Variants in MAP3K19 observed in about 807,000 individuals in gnomAD.
MAP3K19 encodes the protein SPS1/STE20-related protein kinase YSK4.
Under a neutral mutation model 114.4 loss-of-function variants are expected in MAP3K19, and 91 were observed. The ratio of observed to expected loss-of-function variants is 0.80; its 90% confidence interval spans 0.67 to 0.95. MAP3K19 has a LOEUF of 0.95. Among genes scored for constraint, MAP3K19 ranks in the 40% least tolerant of loss-of-function variants. The pLI is 0.00. For missense variants in MAP3K19, 1,471 were observed against 1,573.2 expected (o/e 0.94, Z 1.10); for synonymous variants, 518 against 530.5 (o/e 0.98, Z 0.32).
chr2:134,997,556 C>T (rs1303144122), intron 8 of MAP3K19, among the ~76,000 whole-genome samples: 1 of 152,150 alleles, frequency 6.6e-6, no homozygotes, highest in South Asian at 2.1e-4. Context: ...CGCAGTGGCT[C>T]ACACCTGTAA....
intron 10 of MAP3K19, among the ~76,000 whole-genome samples, chr2:134,985,411 T>C (rs1685022740): frequency 6.6e-6 from 1 of 152,276 alleles, no homozygotes; most frequent in Non-Finnish European, 1.5e-5. Flanking sequence ...GCCATGTTCA[T>C]TTCTTTCTAT....
chr2:135,041,116 A>G (rs1489267434), intron 1 of MAP3K19, among the ~76,000 whole-genome samples: 2 of 151,982 alleles, frequency 1.3e-5, no homozygotes, highest in African/African-American at 4.8e-5. Flanking sequence ...TAGCTTCCCA[A>G]CAATACTATA....
chr2:134,984,509 C>T (rs1243067519), intron 10 of MAP3K19, among the ~76,000 whole-genome samples: 1 of 152,050 alleles, frequency 6.6e-6, no homozygotes, highest in Non-Finnish European at 1.5e-5. Context: ...GGAAATCAAC[C>T]CATTATCTAC....
chr2:135,031,242 G>A (rs1042587078), intron 2 of MAP3K19, among the ~76,000 whole-genome samples: 14 of 151,896 alleles, frequency 9.2e-5, no homozygotes, highest in African/African-American at 2.9e-4. Context: ...GGGGCACTTC[G>A]ACAAAATCTA....
chr2:135,008,567 G>C (rs989947300), intron 5 of MAP3K19, among the ~76,000 whole-genome samples: 7 of 152,060 alleles, frequency 4.6e-5, no homozygotes, highest in African/African-American at 1.7e-4. Flanking sequence ...CTTTAGAGTA[G>C]ATCCCTAGAT....
intron 12 of MAP3K19, among the ~76,000 whole-genome samples, chr2:134,978,613 G>C (rs1684411375): frequency 6.6e-6 from 1 of 152,166 alleles, no homozygotes; most frequent in Non-Finnish European, 1.5e-5. Flanking sequence ...CTGCCTCCCT[G>C]TTCTTCTCTC....
At position 134,987,577 on chromosome 2, in the gene MAP3K19, T is replaced by C. The variant is rs750593152; in HGVS notation, c.1295A>G (p.Asn432Ser). Residue 432 changes from asparagine (N) to serine (S), a missense_variant, in exon 10 of 13, where the codon AAT (asparagine) becomes AGT (serine). Transcript: ENST00000392915. ...LHKNEAMEPN[N>S]ILEECTVLKS... ...AAGTACAGTACACTCTTCTAAAATATTGTTTGGTTCCATTGCTTCATTTTT... is the reference window on the plus strand; with the variant it reads ...AAGTACAGTACACTCTTCTAAAATACTGTTTGGTTCCATTGCTTCATTTTT... 1.2e-6 allele frequency: 2 copies of C among 1,614,178 alleles called. No individual in the cohort carries two copies. Among genetic ancestry groups the C allele is most frequent in the East Asian group, 2.2e-5 (1 of 44,886 alleles).
intron 5 of MAP3K19, among the ~76,000 whole-genome samples, chr2:135,019,183 G>A (rs1160161534): frequency 1.3e-5 from 2 of 151,976 alleles, no homozygotes; most frequent in African/African-American, 2.4e-5. Context: ...TTGTGTCCTG[G>A]GCTTCGGTGA....
intron 8 of MAP3K19, among the ~76,000 whole-genome samples, chr2:134,996,976 G>T (rs928254803): frequency 6.6e-6 from 1 of 152,098 alleles, no homozygotes; most frequent in Non-Finnish European, 1.5e-5. Flanking sequence ...TTGAGCCCAG[G>T]AGGCAGAGGT....
At chr2:134,985,634 G>T (rs550109843) in intron 10 of MAP3K19, among the ~76,000 whole-genome samples, 166 bp downstream of exon 10, 1 of 151,786 alleles carries the variant, frequency 6.6e-6, no homozygotes, top group South Asian at 2.1e-4. Context: ...TTAGCCTGGG[G>T]GTCAGAGGAC....
rs966986528 is a variant in MAP3K19, at chr2:134,999,801, C to T, written c.314+136G>A. The T allele has an allele frequency of 3.1e-6, 2 of 653,974 alleles. No individual in the cohort carries two copies. The highest frequency in any genetic ancestry group is 5.4e-6 in the Non-Finnish European group (2 of 369,444). 40.5% of individuals were successfully genotyped at this position (653,974 alleles called of 1,614,324 possible). A position where few individuals can be genotyped will look rare whatever the true frequency, so the allele number is the denominator to read the frequency against. ...AGCCAAAGTGTTTATGATCTGGCCT[C>T]TGCCACATACTATTTATTGTGACCT... On this transcript the variant is annotated intron_variant, in intron 7 of 12. Transcript: ENST00000392915. The surrounding 1 kb of genome is among the most constrained non-coding windows in gnomAD (Gnocchi z 4.1).
At chr2:135,027,323 GAGAAATAAAGAAAGAAAGAA>G (rs1574049272) in intron 3 of MAP3K19, among the ~76,000 whole-genome samples, 1 of 135,694 alleles carries the variant, frequency 7.4e-6, no homozygotes, top group East Asian at 2.1e-4. Flanking sequence ...GAAAGAGACA[GAGAAATAAAGAAAGAAAGAA>G]AGAAAGAGAG....
At chr2:134,995,092 A>T (rs978164904) in intron 8 of MAP3K19, among the ~76,000 whole-genome samples, 9 of 152,086 alleles carry the variant, frequency 5.9e-5, no homozygotes, top group African/African-American at 1.2e-4. Flanking sequence ...TGGGTAAATC[A>T]CTTGAGCCCA....
chr2:134,980,505 G>C (rs1186517712), intron 12 of MAP3K19, among the ~76,000 whole-genome samples: 1 of 152,158 alleles, frequency 6.6e-6, no homozygotes, highest in South Asian at 2.1e-4. Context: ...CAGTTCCTAG[G>C]AAGATGTCTC....
intron 5 of MAP3K19, among the ~76,000 whole-genome samples, chr2:135,016,388 T>C (rs577491247): frequency 1.3e-5 from 2 of 152,362 alleles, no homozygotes; most frequent in African/African-American, 2.4e-5. Context: ...TCTAGCAATA[T>C]CACACTGCCT....
rs565411196 is a variant in MAP3K19 at position 135,029,097 on chromosome 2, G to A, written c.-95+1215C>T. Among the ~76,000 whole-genome samples the A allele has an allele frequency of 2.6e-5, 4 of 152,348 alleles. No homozygotes were observed. In the East Asian group the frequency reaches 7.7e-4, roughly 29 times the overall value. On this transcript the variant is annotated intron_variant, in intron 3 of 12. Transcript: ENST00000392915. ...GCTATAAAAACAGACATTGGGCCGG[G>A]CGCAGTGGCTCACGCCTGTAATCCC...
At chr2:134,991,459 T>C in intron 9 of MAP3K19, 78 bp downstream of exon 9, 1 of 1,249,004 alleles carries the variant, frequency 8.0e-7, no homozygotes, top group Non-Finnish European at 1.2e-6. Context: ...GTGTAATTGC[T>C]GAGGATTTGG....
At chr2:135,021,237 T>G (rs990439656) in intron 5 of MAP3K19, among the ~76,000 whole-genome samples, 1 of 152,140 alleles carries the variant, frequency 6.6e-6, no homozygotes, top group Non-Finnish European at 1.5e-5. Context: ...GTCCTCATGA[T>G]GGGATTAGTG....
intron 1 of MAP3K19, among the ~76,000 whole-genome samples, chr2:135,043,481 G>C (rs1401896628): frequency 1.3e-5 from 2 of 152,140 alleles, no homozygotes; most frequent in Non-Finnish European, 2.9e-5. Context: ...GCAGTTTTAA[G>C]TTTTTTATGC....
Sources: gnomAD v4.1 joint callset for allele counts (sites outside exome capture counted in the v4.1 genomes callset) on GRCh38, gnomAD v4.1.1 for gene constraint, Gnocchi (gnomAD v3.1) non-coding constraint, MANE v1.5 for transcripts, NCBI Gene and HGNC (gene_info 2026-07-23, HGNC 2026-07-21) for gene names.